Variants in ARSJ observed in about 807,000 individuals in gnomAD.
ARSJ encodes the protein arylsulfatase family member J.
Under a neutral mutation model 35.9 loss-of-function variants are expected in ARSJ, and 26 were observed. The ratio of observed to expected loss-of-function variants is 0.72; its 90% CI spans 0.53 to 1.00. The LOEUF (loss-of-function observed/expected upper bound fraction) is 1.00, where lower values mean the gene tolerates loss of function less well. Among genes scored for constraint, ARSJ ranks in the 50% least tolerant of loss-of-function variants. The pLI is 0.00. For synonymous variants in ARSJ, 294 were observed against 267.6 expected (o/e 1.10, Z -0.96); for missense variants, 667 against 723.6 (o/e 0.92, Z 0.90).
chr4:113,913,068 G>A (rs1432327299), intron 1 of ARSJ, among the ~76,000 whole-genome samples: 4 of 149,474 alleles, frequency 2.7e-5, no homozygotes, highest in Non-Finnish European at 4.4e-5. Flanking sequence ...GATTACCTTC[G>A]GACTAGACAA....
intron 1 of ARSJ, among the ~76,000 whole-genome samples, chr4:113,956,105 A>T (rs915707179): frequency 3.9e-5 from 6 of 152,026 alleles, no homozygotes; most frequent in Admixed American, 1.3e-4. Context: ...ATGCACCACC[A>T]TGCCTGGCTA....
chr4:113,960,215 G>A (rs773596713), intron 1 of ARSJ, among the ~76,000 whole-genome samples: 1 of 152,002 alleles, frequency 6.6e-6, no homozygotes, highest in Non-Finnish European at 1.5e-5. Context: ...CACATTGATC[G>A]AGAATAAATT....
chr4:113,908,152 G>T (rs997165032), intron 1 of ARSJ, among the ~76,000 whole-genome samples: 1 of 152,156 alleles, frequency 6.6e-6, no homozygotes, highest in Non-Finnish European at 1.5e-5. Context: ...TGCAATATGT[G>T]GTTTTGAATT....
intron 1 of ARSJ, among the ~76,000 whole-genome samples, chr4:113,951,131 G>C (rs981385504): frequency 6.6e-6 from 1 of 152,082 alleles, no homozygotes; most frequent in African/African-American, 2.4e-5. Flanking sequence ...TAGTACAGCT[G>C]TCAAAAATGC....
chr4:113,939,469 C>G (rs1219598083), intron 1 of ARSJ, among the ~76,000 whole-genome samples: 1 of 152,088 alleles, frequency 6.6e-6, no homozygotes, highest in East Asian at 1.9e-4. Context: ...AGTTCTAGAG[C>G]CCCGAGGAAT....
chr4:113,937,034 T>C (rs1010283089), intron 1 of ARSJ, among the ~76,000 whole-genome samples: 1 of 151,858 alleles, frequency 6.6e-6, no homozygotes, highest in Non-Finnish European at 1.5e-5. Flanking sequence ...TTAACCAACA[T>C]AGAAAAGTAT....
At chr4:113,974,864 A>G (rs1471822247) in intron 1 of ARSJ, among the ~76,000 whole-genome samples, 1 of 152,234 alleles carries the variant, frequency 6.6e-6, no homozygotes, top group Non-Finnish European at 1.5e-5. Flanking sequence ...AAAAACATAT[A>G]CAAGTATTTT....
In ARSJ at chr4:113,902,463, G is replaced by T. The variant is rs371219584; in HGVS notation, c.1611C>A (p.Pro537=). The T allele has an allele frequency of 6.2e-7, 1 of 1,614,034 alleles. No individual in the cohort carries two copies. Among genetic ancestry groups the T allele is most frequent in the Non-Finnish European group, 8.5e-7 (1 of 1,179,978 alleles). ...GCCTAGGGTTACTTCTGGGGTCTTTGGGGGGATACCTGACCGGCACTGCAG... is the reference window on the plus strand; with the variant it reads ...GCCTAGGGTTACTTCTGGGGTCTTTTGGGGGATACCTGACCGGCACTGCAG... ...NKTAVPVRYP[P]KDPRSNPRLN... is the part of the protein sequence containing the mutation. Residue 537 remains proline, a synonymous_variant, in exon 2 of 2, where the codon CCC becomes CCA. Coordinates refer to ENST00000315366, the MANE Select transcript of ARSJ (RefSeq NM_024590.4).
chr4:113,945,317 T>G (rs1334227493), intron 1 of ARSJ, among the ~76,000 whole-genome samples: 1 of 152,140 alleles, frequency 6.6e-6, no homozygotes, highest in Admixed American at 6.6e-5. Flanking sequence ...TGTATTTTTT[T>G]GTAGCAATGG....
rs151318285 is a variant in ARSJ, at chr4:113,933,821, C to T, written c.399-30146G>A. Among the ~76,000 whole-genome samples, 74 of 151,768 alleles carry T rather than the reference C, an allele frequency of 4.9e-4. No homozygotes were observed. In the East Asian group the frequency reaches 0.013, roughly 26 times the overall value. ...CTTTCCTCTAAGATCTGAAACAGCA[C>T]AAGAATTCCTGTTTTTAGCATTTTT... On this transcript the variant is annotated intron_variant, in intron 1 of 1. Transcript: ENST00000315366.
At chr4:113,915,683 G>T (rs889267659) in intron 1 of ARSJ, among the ~76,000 whole-genome samples, 1 of 152,086 alleles carries the variant, frequency 6.6e-6, no homozygotes, top group African/African-American at 2.4e-5. Flanking sequence ...AAAATGTGTT[G>T]CCTTGAAATA....
intron 1 of ARSJ, among the ~76,000 whole-genome samples, chr4:113,944,887 T>C (rs1306024991): frequency 6.6e-5 from 10 of 152,224 alleles, no homozygotes; most frequent in Non-Finnish European, 1.2e-4. Flanking sequence ...CCTGATTGTA[T>C]ACATATATAT....
At chr4:113,950,589 A>AAGAG (rs1200344207) in intron 1 of ARSJ, among the ~76,000 whole-genome samples, 1 of 152,080 alleles carries the variant, frequency 6.6e-6, no homozygotes, top group Non-Finnish European at 1.5e-5. Flanking sequence ...AAAGGGAAGA[A>AAGAG]AGAGAGGGAG....
At position 113,902,906 on chromosome 4, in the gene ARSJ, C is replaced by T. The variant is rs774777699; in HGVS notation, c.1168G>A (p.Gly390Arg). Residue 390 changes from glycine to arginine, a missense_variant, in exon 2 of 2, where the codon GGA (glycine) becomes AGA (arginine). Transcript: ENST00000315366. ...AGTTGAATGTCCTCATCAATCTGTC[C>T]TTCAGCCAGTGAAATGAGAGTGGGG... ...WYPTLISLAE[G>R]QIDEDIQLDG... 1 of 1,614,156 alleles carries T rather than the reference C, an allele frequency of 6.2e-7. No homozygotes were observed. Among genetic ancestry groups the T allele is most frequent in the Non-Finnish European group, 8.5e-7 (1 of 1,180,034 alleles).
chr4:113,972,090 T>TAG (rs1727285477), intron 1 of ARSJ, among the ~76,000 whole-genome samples: 1 of 152,074 alleles, frequency 6.6e-6, no homozygotes, highest in African/African-American at 2.4e-5. Context: ...GGAAGACACG[T>TAG]TCCCCTGCCT....
chr4:113,924,934 T>A (rs1562346390), intron 1 of ARSJ, among the ~76,000 whole-genome samples: 1 of 152,146 alleles, frequency 6.6e-6, no homozygotes, highest in African/African-American at 2.4e-5. Context: ...TGTGGTTTTT[T>A]TTCCTGGTGG....
chr4:113,904,636 C>T (rs2099668188), intron 1 of ARSJ, among the ~76,000 whole-genome samples: 1 of 152,168 alleles, frequency 6.6e-6, no homozygotes, highest in Non-Finnish European at 1.5e-5. Flanking sequence ...AGGCGCCTGC[C>T]ACCACGCCCA....
chr4:113,921,474 A>C (rs747424678), intron 1 of ARSJ, among the ~76,000 whole-genome samples: 1 of 152,114 alleles, frequency 6.6e-6, no homozygotes, highest in African/African-American at 2.4e-5. Flanking sequence ...AAGGCTCTCA[A>C]AGTTATTCAC....
chr4:113,947,429 G>A (rs564826920), intron 1 of ARSJ, among the ~76,000 whole-genome samples: 2 of 151,374 alleles, frequency 1.3e-5, no homozygotes, highest in Non-Finnish European at 1.5e-5. Context: ...GCAGTGAGCC[G>A]AGATTCTGCA....
Sources: allele counts gnomAD v4.1 joint callset (sites outside exome capture counted in the v4.1 genomes callset), GRCh38; gene constraint gnomAD v4.1.1; transcripts MANE v1.5; gene names NCBI Gene and HGNC (gene_info 2026-07-23, HGNC 2026-07-21).